Variants in CERT1 observed in about 807,000 individuals in gnomAD.
CERT1 encodes ceramide transfer protein.
In CERT1, 31 loss-of-function variants were observed where a neutral mutation model predicts 87.9. The observed-to-expected ratio is 0.35, with a 90% CI of 0.27 to 0.48. CERT1 has a LOEUF of 0.48. Among genes scored for constraint, CERT1 ranks in the 20% least tolerant of loss-of-function variants. The pLI is 0.99. For synonymous variants in CERT1, 289 were observed against 250.9 expected, an observed-to-expected ratio of 1.15 and a Z score of -1.44; for missense variants, 487 against 758.0, an observed-to-expected ratio of 0.64 and a Z score of 4.20.
At chr5:75,402,812 A>AG in intron 9 of CERT1, 160 bp downstream of exon 9, 1 of 515,900 alleles carries the variant, frequency 1.9e-6, no homozygotes, top group African/African-American at 1.9e-5. Context: ...AAAAAAAAAA[A>AG]AAGATTATTT....
In CERT1 at chr5:75,389,609, C is replaced by T. The variant is rs1400689202; in HGVS notation, c.1267G>A (p.Glu423Lys). ...GGAATTACCTTCATTTCTCCTTCTT[C>T]TACAACCAACTGCCAATTGGCATCT... ...GGDANWQLVV[E>K]EGEMKVYRRE... Residue 423 changes from glutamate (E) to lysine (K), a missense_variant, in exon 12 of 17, where the codon GAA (glutamate) becomes AAA (lysine). Physicochemically the swap from Glu to Lys is moderately conservative, Grantham distance 56. Around this residue, in one of 8 missense-constraint regions of CERT1, gnomAD observed 147 missense variants for 200.8 expected, o/e 0.73. Transcript: ENST00000643780. 6.2e-7 allele frequency: 1 copy of T among 1,613,930 alleles called. No homozygotes were observed. Among genetic ancestry groups the T allele is most frequent in the Non-Finnish European group, 8.5e-7 (1 of 1,179,826 alleles).
intron 5 of CERT1, among the ~76,000 whole-genome samples, chr5:75,422,076 A>C (rs985189837): frequency 6.6e-6 from 1 of 152,190 alleles, no homozygotes; most frequent in African/African-American, 2.4e-5. Flanking sequence ...CCTATCAAGG[A>C]ACTTTTAAAG....
chr5:75,435,214 G>C (rs1251089758), intron 3 of CERT1, among the ~76,000 whole-genome samples: 1 of 152,124 alleles, frequency 6.6e-6, no homozygotes, highest in Non-Finnish European at 1.5e-5. Flanking sequence ...TCTTCAGCTT[G>C]GTCTTTTCTG....
intron 11 of CERT1, among the ~76,000 whole-genome samples, chr5:75,390,148 A>G (rs1285792446): frequency 6.6e-6 from 1 of 152,150 alleles, no homozygotes; most frequent in South Asian, 2.1e-4. Flanking sequence ...GAGAGAGAGC[A>G]TATCTTTGCC....
intron 13 of CERT1, among the ~76,000 whole-genome samples, chr5:75,385,025 T>G (rs553615037): frequency 2.6e-5 from 4 of 152,352 alleles, no homozygotes; most frequent in Admixed American, 2.0e-4. Context: ...CCTTCCCTTT[T>G]CCCCAATTTA....
chr5:75,391,434 A>G (rs1305474332), intron 11 of CERT1, among the ~76,000 whole-genome samples: 1 of 152,224 alleles, frequency 6.6e-6, no homozygotes, highest in Admixed American at 6.5e-5. Flanking sequence ...CTACTTTTGT[A>G]CTAAATAAAC....
chr5:75,486,209 C>G (rs1766517766), intron 2 of CERT1, among the ~76,000 whole-genome samples: 1 of 152,068 alleles, frequency 6.6e-6, no homozygotes. Flanking sequence ...ATACGCAAAT[C>G]TACGTGGTAC....
chr5:75,374,088 G>A (rs1561214994), downstream of CERT1: 1 of 398,232 alleles, frequency 2.5e-6, no homozygotes, highest in Admixed American at 4.4e-5. Flanking sequence ...CAAGGTCTTG[G>A]GCCACAGACA....
chr5:75,394,518 T>C (rs1207270556), intron 11 of CERT1, among the ~76,000 whole-genome samples: 2 of 151,392 alleles, frequency 1.3e-5, no homozygotes, highest in East Asian at 1.9e-4. Flanking sequence ...ATAAATAAAA[T>C]AGCAGCCTGG....
intron 8 of CERT1, among the ~76,000 whole-genome samples, chr5:75,404,291 T>TAAA (rs11349407): frequency 0.011 from 903 of 78,550 alleles, 2 homozygotes; most frequent in Non-Finnish European, 0.015. Context: ...ACCTACTTCA[T>TAAA]AAAAAAAAAA....
intron 3 of CERT1, among the ~76,000 whole-genome samples, chr5:75,456,222 T>C (rs112764031): frequency 3.7e-4 from 57 of 152,346 alleles, no homozygotes; most frequent in African/African-American, 8.9e-4. Flanking sequence ...CAATTTACTT[T>C]TAGAATTCAT....
chr5:75,491,259 G>A (rs760619979), intron 2 of CERT1, among the ~76,000 whole-genome samples: 2 of 152,098 alleles, frequency 1.3e-5, no homozygotes, highest in Non-Finnish European at 2.9e-5. Context: ...TAGTAGAGAA[G>A]AGGGTTGTAG....
intron 2 of CERT1, among the ~76,000 whole-genome samples, chr5:75,480,573 T>C (rs892306481): frequency 6.6e-6 from 1 of 152,196 alleles, no homozygotes; most frequent in South Asian, 2.1e-4. Context: ...TGCATACACA[T>C]AACTCCAACT....
chr5:75,433,749 T>C (rs929083585), intron 3 of CERT1, among the ~76,000 whole-genome samples: 2 of 152,182 alleles, frequency 1.3e-5, no homozygotes, highest in African/African-American at 4.8e-5. Context: ...CTCCAACTCC[T>C]GGTCTCAAGT....
At chr5:75,446,064 G>A (rs1343746952) in intron 3 of CERT1, among the ~76,000 whole-genome samples, 1 of 151,962 alleles carries the variant, frequency 6.6e-6, no homozygotes, top group African/African-American at 2.4e-5. Flanking sequence ...ATCAAATTTG[G>A]GAAGTTTTCG....
chr5:75,506,021 G>A lies in CERT1; in HGVS notation c.192C>T (p.Gly64=). Residue 64 remains glycine (G), a synonymous_variant, in exon 2 of 17, where the codon GGC becomes GGT. Coordinates refer to ENST00000643780, the MANE Select transcript of CERT1 (RefSeq NM_001379029.1). ...TGCTAAGACAGATGGATCCTCTGCAGCCATACTCTGTTTCATCTTCAGATT... is the reference window on the plus strand; with the variant it reads ...TGCTAAGACAGATGGATCCTCTGCAACCATACTCTGTTTCATCTTCAGATT... The part of the protein sequence containing the change: ...YYKSEDETEY[G]CRGSICLSKA... 1 of 1,613,768 alleles carries A rather than the reference G, an allele frequency of 6.2e-7. No homozygotes were observed. The highest frequency in any genetic ancestry group is 8.5e-7 in the Non-Finnish European group (1 of 1,179,744).
chr5:75,494,764 G>A (rs1766978259), intron 2 of CERT1, among the ~76,000 whole-genome samples: 1 of 152,100 alleles, frequency 6.6e-6, no homozygotes, highest in Non-Finnish European at 1.5e-5. Flanking sequence ...TTGACCATTT[G>A]TTTTCCAGTT....
rs201458462 is a variant in CERT1, at chr5:75,495,920, T to TA, written c.231+10061dup. On this transcript the variant is annotated intron_variant, in intron 2 of 16. Transcript: ENST00000643780. ...ATGTACCCTAAAACTTAAAGTATAA[T>TA]AAAAAAATTAGCTGAAAAAAAAATA... Among the ~76,000 whole-genome samples, 318 of 148,630 alleles carry TA rather than the reference T, an allele frequency of 2.1e-3. 1 individual carries two copies. The East Asian group carries it at 0.028, about 13-fold the overall frequency.
chr5:75,437,822 T>A (rs559369703), intron 3 of CERT1, among the ~76,000 whole-genome samples: 1 of 151,152 alleles, frequency 6.6e-6, no homozygotes, highest in Non-Finnish European at 1.5e-5. Flanking sequence ...TGAATCCTAC[T>A]TCCATTGTTA....
Sources: gnomAD v4.1 joint callset for allele counts (sites outside exome capture counted in the v4.1 genomes callset) on GRCh38, gnomAD v4.1.1 for gene constraint, gnomAD v4.1.1 regional missense constraint, MANE v1.5 for transcripts, NCBI Gene and HGNC (gene_info 2026-07-23, HGNC 2026-07-21) for gene names.